Variants in CPHXL2 observed in about 807,000 individuals in gnomAD.
The protein encoded by CPHXL2 is cytoplasmic polyadenylated homeobox like 2.
At chr16:75,663,467 G>T in the CPHXL2 span, among the ~76,000 whole-genome samples, 1 of 152,140 alleles carries the variant, frequency 6.6e-6, no homozygotes, top group Non-Finnish European at 1.5e-5. Flanking sequence ...TCAGCCAAGG[G>T]CTGTCCAAAG....
the CPHXL2 span, among the ~76,000 whole-genome samples, chr16:75,670,741 C>T: frequency 6.6e-6 from 1 of 152,196 alleles, no homozygotes; most frequent in Non-Finnish European, 1.5e-5. Context: ...AAGTGATCCA[C>T]CTTTCTCAGC....
chr16:75,661,224 C>A, the CPHXL2 span: 1 of 400,782 alleles, frequency 2.5e-6, no homozygotes, highest in South Asian at 1.3e-4. Context: ...CGGTGGAAGT[C>A]TGGCTCTATT....
At chr16:75,662,330 CTTTTCTTTT>C in the CPHXL2 span, among the ~76,000 whole-genome samples, 3 of 143,140 alleles carry the variant, frequency 2.1e-5, no homozygotes, top group Admixed American at 2.1e-4. Flanking sequence ...CTTTTTCTTT[CTTTTCTTTT>C]TTTTTTTTTT....
the CPHXL2 span, among the ~76,000 whole-genome samples, chr16:75,672,596 A>C: frequency 2.6e-5 from 4 of 152,162 alleles, no homozygotes; most frequent in African/African-American, 7.2e-5. Context: ...GGCTCAAGTG[A>C]TCTTATCAAC....
chr16:75,674,854 C>T, the CPHXL2 span, among the ~76,000 whole-genome samples: 4 of 151,462 alleles, frequency 2.6e-5, no homozygotes, highest in East Asian at 2.0e-4. Context: ...GGAGTACTGG[C>T]GCACGCCACC....
chr16:75,671,755 C>T, the CPHXL2 span, among the ~76,000 whole-genome samples: 3 of 152,206 alleles, frequency 2.0e-5, no homozygotes, highest in East Asian at 1.9e-4. Flanking sequence ...GCAAAAGCCC[C>T]GAGCCCTGAG....
chr16:75,667,533 A>G, the CPHXL2 span, among the ~76,000 whole-genome samples: 3 of 152,312 alleles, frequency 2.0e-5, no homozygotes, highest in East Asian at 3.9e-4. Context: ...CTCTAGTTCA[A>G]TCAATTTTTA....
chr16:75,674,229 C>G, the CPHXL2 span, among the ~76,000 whole-genome samples: 2 of 150,318 alleles, frequency 1.3e-5, no homozygotes, highest in African/African-American at 4.9e-5. Flanking sequence ...AAAAATTAGC[C>G]GGGTGTGGTG....
chr16:75,667,922 C>T, the CPHXL2 span, among the ~76,000 whole-genome samples: 1 of 152,118 alleles, frequency 6.6e-6, no homozygotes, highest in African/African-American at 2.4e-5. Flanking sequence ...CCTTTGAGTC[C>T]ACCTTACCTT....
the CPHXL2 span, among the ~76,000 whole-genome samples, chr16:75,668,752 A>C: frequency 6.6e-6 from 1 of 152,140 alleles, no homozygotes; most frequent in Non-Finnish European, 1.5e-5. Context: ...TTGTTTTAAA[A>C]TTTGTATTTT....
chr16:75,668,106 G>A, the CPHXL2 span, among the ~76,000 whole-genome samples: 4 of 151,910 alleles, frequency 2.6e-5, no homozygotes, highest in African/African-American at 9.7e-5. Context: ...CTGCAGTCTA[G>A]TTTTCACAAT....
the CPHXL2 span, among the ~76,000 whole-genome samples, chr16:75,670,184 G>A: frequency 6.6e-6 from 1 of 152,158 alleles, no homozygotes; most frequent in East Asian, 1.9e-4. Flanking sequence ...AAAGTGCTGG[G>A]ATTACAGGGG....
At chr16:75,661,572 C>T in the CPHXL2 span, among the ~76,000 whole-genome samples, 1 of 151,926 alleles carries the variant, frequency 6.6e-6, no homozygotes, top group Non-Finnish European at 1.5e-5. Context: ...CTCCTGCTTG[C>T]TCACTGAGAC....
chr16:75,666,251 C>G, the CPHXL2 span, among the ~76,000 whole-genome samples: 1 of 151,972 alleles, frequency 6.6e-6, no homozygotes, highest in African/African-American at 2.4e-5. Flanking sequence ...AATATATATG[C>G]ACCTAAAGCT....
chr16:75,664,408 C>T, the CPHXL2 span, among the ~76,000 whole-genome samples: 1 of 151,966 alleles, frequency 6.6e-6, no homozygotes, highest in East Asian at 1.9e-4. Flanking sequence ...GGCAGATCAC[C>T]TGAGGTCGGG....
the CPHXL2 span, chr16:75,661,232 A>C: frequency 1.0e-5 from 4 of 400,668 alleles, no homozygotes; most frequent in Non-Finnish European, 4.4e-6. Flanking sequence ...GTCTGGCTCT[A>C]TTGTTCTGGA....
chr16:75,669,560 A>G, the CPHXL2 span: 2 of 398,620 alleles, frequency 5.0e-6, no homozygotes, highest in Non-Finnish European at 8.8e-6. Context: ...GGGAAAGCTG[A>G]CAAAAGTATA....
the CPHXL2 span, among the ~76,000 whole-genome samples, chr16:75,662,981 T>C: frequency 6.6e-6 from 1 of 152,082 alleles, no homozygotes; most frequent in African/African-American, 2.4e-5. Flanking sequence ...TTTGTATTTT[T>C]AGTAGAGACG....
At chr16:75,672,868 C>A in the CPHXL2 span, among the ~76,000 whole-genome samples, 7 of 151,800 alleles carry the variant, frequency 4.6e-5, no homozygotes, top group African/African-American at 1.5e-4. Flanking sequence ...GCCTGGGCAA[C>A]AAAATGAGAC....
Sources: allele counts gnomAD v4.1 joint callset (sites outside exome capture counted in the v4.1 genomes callset), GRCh38; gene constraint gnomAD v4.1.1; transcripts MANE v1.5; gene names NCBI Gene and HGNC (gene_info 2026-07-23, HGNC 2026-07-21).